The following PCSK2 variants were observed in gnomAD, a reference collection of about 807,000 sequenced individuals.
PCSK2 encodes the protein proprotein convertase subtilisin/kexin type 2, also known as neuroendocrine convertase 2.
A neutral mutation model predicts 69.7 loss-of-function variants in PCSK2; 14 were observed. The ratio of observed to expected loss-of-function variants is 0.20; its 90% confidence interval spans 0.13 to 0.31. The LOEUF (loss-of-function observed/expected upper bound fraction) is 0.31. Ranked by LOEUF, PCSK2 falls within the 10% of genes least tolerant of loss-of-function variation. PCSK2 has a pLI of 1.00. For synonymous variants in PCSK2, 307 were observed against 320.7 expected (o/e 0.96, Z 0.46); for missense variants, 544 against 842.5 (o/e 0.65, Z 4.39).
intron 5 of PCSK2, among the ~76,000 whole-genome samples, chr20:17,392,771 T>C (rs961766176): frequency 2.0e-5 from 3 of 152,260 alleles, no homozygotes; most frequent in Non-Finnish European, 4.4e-5. Flanking sequence ...TTTTTTATTG[T>C]TGCGTAGCAT....
Position 17,344,518 on chromosome 20 carries a change from T to C in PCSK2, c.283-13809T>C, listed in dbSNP as rs368424354. 2.0e-5 allele frequency among the ~76,000 whole-genome samples: 3 copies of C among 152,302 alleles called. No individual in the cohort carries two copies. In the East Asian group the frequency reaches 5.8e-4, roughly 29 times the overall value. On this transcript the variant is annotated intron_variant, in intron 2 of 11. Transcript: ENST00000262545. ...AAGAAGAAAGAACTGAGGAAGTGAA[T>C]CTTCTCTCCTCTTAACTCTTTAGTT...
At chr20:17,299,495 AT>A (rs1989006945) in intron 2 of PCSK2, among the ~76,000 whole-genome samples, 3 of 151,970 alleles carry the variant, frequency 2.0e-5, no homozygotes, top group African/African-American at 7.2e-5. Context: ...TTGCCCATTT[AT>A]TCTTTCAGAA....
chr20:17,347,868 AG>A (rs1990705567), intron 2 of PCSK2, among the ~76,000 whole-genome samples: 2 of 75,586 alleles, frequency 2.6e-5, no homozygotes, highest in African/African-American at 5.2e-5. Context: ...AAGAGGAGAG[AG>A]AAAAAAGAAA....
intron 2 of PCSK2, among the ~76,000 whole-genome samples, chr20:17,290,454 C>G (rs1171883007): frequency 6.6e-6 from 1 of 152,188 alleles, no homozygotes; most frequent in Non-Finnish European, 1.5e-5. Flanking sequence ...ATGTGCCCAG[C>G]CTGGAATGTG....
In PCSK2 at chr20:17,453,909, G is replaced by A. The variant is rs1568657040; in HGVS notation, c.1053G>A (p.Leu351=). 1.2e-6 allele frequency: 2 copies of A among 1,614,198 alleles called. No individual in the cohort carries two copies. The highest frequency in any genetic ancestry group is 1.7e-6 in the Non-Finnish European group (2 of 1,180,020). The stretch of plus-strand genomic sequence containing the variant: ...ACGACGAGAGCTGCTCTTCCACCTT[G>A]GCTTCCACCTTCAGCAACGGGAGGA... ...ALYDESCSST[L]ASTFSNGRKR... Residue 351 remains leucine (L), a synonymous_variant, in exon 9 of 12, where the codon TTG becomes TTA. Transcript: ENST00000262545. This position sits in a 1 kb window ranked among gnomAD's most constrained non-coding sequence, Gnocchi z 4.0.
At chr20:17,410,231 C>A (rs1419696377) in intron 6 of PCSK2, among the ~76,000 whole-genome samples, 1 of 152,038 alleles carries the variant, frequency 6.6e-6, no homozygotes, top group African/African-American at 2.4e-5. Context: ...GAAGGGCTTC[C>A]TTGGTCAAAC....
chr20:17,285,677 A>T (rs1006385337), intron 2 of PCSK2, among the ~76,000 whole-genome samples: 14 of 152,362 alleles, frequency 9.2e-5, no homozygotes, highest in Non-Finnish European at 7.3e-5. Context: ...CTTCAGACCA[A>T]AGCTCAGAGG....
intron 2 of PCSK2, among the ~76,000 whole-genome samples, chr20:17,322,040 C>T (rs958802437): frequency 2.0e-5 from 3 of 151,876 alleles, no homozygotes; most frequent in Non-Finnish European, 4.4e-5. Context: ...TGGTTAAACA[C>T]CTCTAAATGC....
chr20:17,298,779 ACTCTC>A, intron 2 of PCSK2, among the ~76,000 whole-genome samples: 1 of 151,862 alleles, frequency 6.6e-6, no homozygotes, highest in South Asian at 2.1e-4. Flanking sequence ...TCTTTCTAAC[ACTCTC>A]AGACACACTC....
At chr20:17,419,282 C>T (rs951519876) in intron 6 of PCSK2, among the ~76,000 whole-genome samples, 1 of 152,142 alleles carries the variant, frequency 6.6e-6, no homozygotes, top group African/African-American at 2.4e-5. Flanking sequence ...TGGATTATTC[C>T]TGTTTAAGCA....
At chr20:17,303,480 A>T (rs1167387025) in intron 2 of PCSK2, among the ~76,000 whole-genome samples, 3 of 49,190 alleles carry the variant, frequency 6.1e-5, no homozygotes, top group African/African-American at 8.3e-5. Context: ...ATTATATATA[A>T]TATATATTAT....
chr20:17,316,187 A>T (rs1989682947), intron 2 of PCSK2, among the ~76,000 whole-genome samples: 2 of 152,140 alleles, frequency 1.3e-5, no homozygotes, highest in South Asian at 4.1e-4. Context: ...TGCTCAGTAA[A>T]TATTAACTAC....
intron 6 of PCSK2, among the ~76,000 whole-genome samples, chr20:17,422,104 C>G (rs980356817): frequency 6.6e-6 from 1 of 152,036 alleles, no homozygotes; most frequent in African/African-American, 2.4e-5. Context: ...TGAAAAGAAC[C>G]AATTGCAGCT....
At chr20:17,427,716 G>A (rs1209660179) in intron 6 of PCSK2, among the ~76,000 whole-genome samples, 1 of 152,192 alleles carries the variant, frequency 6.6e-6, no homozygotes, top group Non-Finnish European at 1.5e-5. Flanking sequence ...GCTCACCCTT[G>A]TCTCCCTGGT....
In PCSK2 at chr20:17,482,142, A is replaced by T; in HGVS notation, c.*72A>T. On this transcript the variant is annotated 3_prime_UTR_variant, in exon 12 of 12. Coordinates refer to ENST00000262545, the MANE Select transcript of PCSK2 (RefSeq NM_002594.5). The stretch of plus-strand genomic sequence containing the variant: ...TCTGTCCTCGCTCCACGTTTCAGGC[A>T]GGCACCTAGCAATTCCATCACCCGT... 1 of 1,426,314 alleles carries T rather than the reference A, an allele frequency of 7.0e-7. No homozygotes were observed. The highest frequency in any genetic ancestry group is 9.3e-7 in the Non-Finnish European group (1 of 1,072,722). The allele number at this position is 1,426,314 out of a possible 1,614,324, so 88.4% of individuals were successfully genotyped here. A position where few individuals can be genotyped will look rare whatever the true frequency, so the allele number is the denominator to read the frequency against.
At chr20:17,440,580 C>G (rs2328145) in intron 8 of PCSK2, among the ~76,000 whole-genome samples, 101,006 of 152,088 alleles carry the variant, frequency 0.66, 33,886 homozygotes, top group African/African-American at 0.75. Context: ...ACCAGGAGGG[C>G]CTTGGCATAG....
intron 2 of PCSK2, among the ~76,000 whole-genome samples, chr20:17,280,498 A>G (rs1988268937): frequency 6.6e-6 from 1 of 152,176 alleles, no homozygotes; most frequent in South Asian, 2.1e-4. Context: ...TGTGTTTTAG[A>G]AAGTGTGGCA....
At chr20:17,251,182 G>C (rs1463147059) in intron 1 of PCSK2, among the ~76,000 whole-genome samples, 1 of 152,134 alleles carries the variant, frequency 6.6e-6, no homozygotes, top group Non-Finnish European at 1.5e-5. Flanking sequence ...CTACCTGATA[G>C]TGTTCAAAGT....
intron 2 of PCSK2, among the ~76,000 whole-genome samples, chr20:17,314,878 C>A (rs1989630747): frequency 6.6e-6 from 1 of 152,142 alleles, no homozygotes; most frequent in African/African-American, 2.4e-5. Flanking sequence ...CTTGCTGTGT[C>A]TAATGTTATT....
Sources: allele counts gnomAD v4.1 joint callset (sites outside exome capture counted in the v4.1 genomes callset), GRCh38; gene constraint gnomAD v4.1.1; non-coding constraint Gnocchi (gnomAD v3.1); transcripts MANE v1.5; gene names NCBI Gene and HGNC (gene_info 2026-07-23, HGNC 2026-07-21).